Variants in UNC5D observed in about 807,000 individuals in gnomAD.
The protein encoded by UNC5D is unc-5 netrin receptor D, also known as netrin receptor UNC5D.
UNC5D carries 39 observed loss-of-function variants against 105.4 expected under a neutral mutation model. The observed-to-expected ratio is 0.37, with a 90% CI of 0.29 to 0.48. The LOEUF (loss-of-function observed/expected upper bound fraction) is 0.48. UNC5D is among the 20% of genes least tolerant of loss of function. UNC5D has a pLI of 0.98. For missense variants in UNC5D, 991 were observed against 1,202.4 expected (o/e 0.82, Z 2.60); for synonymous variants, 452 against 450.4 (o/e 1.00, Z -0.04).
chr8:35,789,089 C>G (rs1185677269), intron 16 of UNC5D, among the ~76,000 whole-genome samples: 3 of 136,368 alleles, frequency 2.2e-5, no homozygotes, highest in Non-Finnish European at 3.1e-5. Flanking sequence ...TTACCTAACT[C>G]AGGGTCAGTG....
chr8:35,790,379 C>T lies in UNC5D; in HGVS notation c.2678C>T (p.Thr893Ile), dbSNP rs528674135. 7.9e-5 allele frequency: 128 copies of T among 1,613,850 alleles called. 2 individuals carry two copies. Among genetic ancestry groups the T allele is most frequent in the Admixed American group, 6.8e-4 (41 of 59,988 alleles). ...SINRNLSYFA[T>I]QSSPSAVILN... is the part of the protein sequence containing the mutation. ...TCTAGGAATTTATCTTATTTCGCTA[C>T]ACAAAGTAGCCCATCTGCTGTCATT... is the stretch of plus-strand genomic sequence containing the variant. Residue 893 changes from threonine to isoleucine, a missense_variant, in exon 17 of 17, where the codon ACA becomes ATA. Transcript: ENST00000404895.
At chr8:35,297,364 C>G (rs867264301) in intron 1 of UNC5D, among the ~76,000 whole-genome samples, 1 of 152,232 alleles carries the variant, frequency 6.6e-6, no homozygotes, top group South Asian at 2.1e-4. Flanking sequence ...ATCTACATAT[C>G]AGAAAATATT....
At position 35,321,432 on chromosome 8, in the gene UNC5D, G is replaced by T. The variant is rs1809731585; in HGVS notation, c.103+85545G>T. 2.0e-5 allele frequency among the ~76,000 whole-genome samples: 3 copies of T among 152,116 alleles called. No homozygotes were observed. In the South Asian group the frequency reaches 6.2e-4, roughly 32 times the overall value. On this transcript the variant is annotated intron_variant, in intron 1 of 16. Transcript: ENST00000404895. ...TGAGTGAGTCTCACGAGATCTGATG[G>T]TTTTATAAATGTTTGGTAGTTCCTC...
At chr8:35,429,055 T>C (rs904867728) in intron 1 of UNC5D, among the ~76,000 whole-genome samples, 2 of 152,204 alleles carry the variant, frequency 1.3e-5, no homozygotes, top group Non-Finnish European at 2.9e-5. Context: ...ATATGGTAGC[T>C]ACATCCATAA....
intron 1 of UNC5D, among the ~76,000 whole-genome samples, chr8:35,468,163 T>A (rs985829756): frequency 6.6e-6 from 1 of 152,172 alleles, no homozygotes; most frequent in Admixed American, 6.5e-5. Flanking sequence ...AGCCCGGTAA[T>A]GTGTTGGTCG....
At chr8:35,243,350 G>A (rs1001776987) in intron 1 of UNC5D, among the ~76,000 whole-genome samples, 2 of 152,134 alleles carry the variant, frequency 1.3e-5, no homozygotes, top group Admixed American at 1.3e-4. Flanking sequence ...GCAATATAAA[G>A]CATTTATAAA....
intron 4 of UNC5D, among the ~76,000 whole-genome samples, chr8:35,623,774 A>G (rs567883189): frequency 3.9e-5 from 6 of 152,218 alleles, no homozygotes; most frequent in African/African-American, 1.4e-4. Flanking sequence ...ATTTTTAAAT[A>G]AATTTGATTT....
intron 1 of UNC5D, among the ~76,000 whole-genome samples, chr8:35,321,591 A>G (rs1260085681): frequency 6.6e-6 from 1 of 152,172 alleles, no homozygotes; most frequent in Non-Finnish European, 1.5e-5. Flanking sequence ...TTTCCTTTCT[A>G]AATCACCCAG....
In UNC5D at chr8:35,733,910, A is replaced by T. The variant is rs189757700; in HGVS notation, c.1766+2814A>T. On this transcript the variant is annotated intron_variant, in intron 11 of 16. Coordinates refer to ENST00000404895, the MANE Select transcript of UNC5D (RefSeq NM_080872.4). Reference sequence around the variant, plus strand: ...AAGGAGTAAGGTCTATAGCTCAATGATTTGCATCCTCCACAATGCATTTTC... The same window carrying T: ...AAGGAGTAAGGTCTATAGCTCAATGTTTTGCATCCTCCACAATGCATTTTC... Among the ~76,000 whole-genome samples, 58 of 152,176 alleles carry T rather than the reference A, an allele frequency of 3.8e-4. 3 individuals are homozygous for T. In the East Asian group the frequency reaches 9.3e-3, roughly 24 times the overall value.
intron 1 of UNC5D, among the ~76,000 whole-genome samples, chr8:35,476,331 AACTAGAC>A (rs1810097755): frequency 6.6e-6 from 1 of 152,196 alleles, no homozygotes; most frequent in South Asian, 2.1e-4. Context: ...CTGTGAGGTC[AACTAGAC>A]ACTTCCCCTC....
intron 1 of UNC5D, among the ~76,000 whole-genome samples, chr8:35,512,569 A>ATATATATATATATATATATATATCTC (rs539399345): frequency 4.6e-5 from 3 of 64,840 alleles, no homozygotes; most frequent in African/African-American, 2.4e-4. Flanking sequence ...ATATATATAT[A>ATATATATATATATATATATATATCTC]TCTGAATAGA....
At chr8:35,259,526 A>G (rs551393207) in intron 1 of UNC5D, among the ~76,000 whole-genome samples, 2 of 152,224 alleles carry the variant, frequency 1.3e-5, no homozygotes, top group South Asian at 4.1e-4. Context: ...TTATTACTCT[A>G]GATGCAGTAA....
chr8:35,767,000 C>G lies in UNC5D; in HGVS notation c.2412C>G (p.Cys804Trp). Residue 804 changes from cysteine to tryptophan, a missense_variant, in exon 15 of 17, where the codon TGC (cysteine) becomes TGG (tryptophan). Cys to Trp is a radical substitution (Grantham distance 215, BLOSUM62 -2). This residue lies in a region of UNC5D where 944 missense variants were observed against 1,131.6 expected (regional missense o/e 0.83). Coordinates refer to ENST00000404895, the MANE Select transcript of UNC5D (RefSeq NM_080872.4). ...RYTPTTTQLS[C>W]KICIRQLKGH... is the part of the protein sequence containing the mutation. Reference sequence around the variant, plus strand: ...CGCCCACTACCACCCAGCTGTCCTGCAAAATCTGCATTCGGCAGCTCAAAG... The same window carrying G: ...CGCCCACTACCACCCAGCTGTCCTGGAAAATCTGCATTCGGCAGCTCAAAG... 1 of 1,614,086 alleles carries G rather than the reference C, an allele frequency of 6.2e-7. No individual in the cohort carries two copies. The highest frequency in any genetic ancestry group is 8.5e-7 in the Non-Finnish European group (1 of 1,179,960).
chr8:35,540,813 AC>A (rs1815222324), intron 1 of UNC5D, among the ~76,000 whole-genome samples: 1 of 152,068 alleles, frequency 6.6e-6, no homozygotes, highest in African/African-American at 2.4e-5. Context: ...GAAAAACAAA[AC>A]TTTTCTTTGT....
chr8:35,566,684 T>C (rs1383446633), intron 2 of UNC5D, among the ~76,000 whole-genome samples: 1 of 152,098 alleles, frequency 6.6e-6, no homozygotes, highest in African/African-American at 2.4e-5. Flanking sequence ...CTCTGCAAAG[T>C]AGGGACACAA....
At chr8:35,356,838 C>T (rs1466719245) in intron 1 of UNC5D, among the ~76,000 whole-genome samples, 1 of 152,000 alleles carries the variant, frequency 6.6e-6, no homozygotes, top group Non-Finnish European at 1.5e-5. Flanking sequence ...TCCTAAGTGA[C>T]TAATGGGTGG....
At chr8:35,765,080 G>A (rs10112124) in intron 14 of UNC5D, among the ~76,000 whole-genome samples, 8,893 of 152,248 alleles carry the variant, frequency 0.058, 707 homozygotes, top group African/African-American at 0.17. Flanking sequence ...GGATTCTCCG[G>A]TGAATGTCCA....
chr8:35,346,663 T>C (rs1811825125), intron 1 of UNC5D, among the ~76,000 whole-genome samples: 1 of 152,020 alleles, frequency 6.6e-6, no homozygotes. Context: ...CTATGTAATA[T>C]TTGGTATAAT....
At chr8:35,377,792 T>G (rs1178298071) in intron 1 of UNC5D, among the ~76,000 whole-genome samples, 1 of 152,200 alleles carries the variant, frequency 6.6e-6, no homozygotes, top group Non-Finnish European at 1.5e-5. Flanking sequence ...ATATCTAGAC[T>G]TTTTAAAATG....
Sources: allele counts gnomAD v4.1 joint callset (sites outside exome capture counted in the v4.1 genomes callset), GRCh38; gene constraint gnomAD v4.1.1; regional missense constraint gnomAD v4.1.1; transcripts MANE v1.5; gene names NCBI Gene and HGNC (gene_info 2026-07-23, HGNC 2026-07-21).